TOX: variants seen among roughly 807,000 people sequenced by gnomAD.
The protein encoded by TOX is thymocyte selection associated high mobility group box, also known as thymocyte selection-associated high mobility group box protein TOX.
TOX carries 11 observed loss-of-function variants against 53.7 expected under a neutral mutation model. That is an observed-to-expected ratio of 0.20 (90% CI 0.13 to 0.34). The LOEUF (loss-of-function observed/expected upper bound fraction) is 0.34. TOX is among the 10% of genes least tolerant of loss of function. The pLI is 1.00. For missense variants in TOX, 570 were observed against 664.6 expected (o/e 0.86, Z 1.56); for synonymous variants, 225 against 245.3 (o/e 0.92, Z 0.77).
chr8:59,040,578 C>T (rs1271547368), intron 1 of TOX, among the ~76,000 whole-genome samples: 1 of 152,186 alleles, frequency 6.6e-6, no homozygotes, highest in Non-Finnish European at 1.5e-5. Flanking sequence ...GTATAACTGT[C>T]AACAAGACCA....
At chr8:58,926,376 T>G (rs1356466892) in intron 3 of TOX, among the ~76,000 whole-genome samples, 2 of 152,178 alleles carry the variant, frequency 1.3e-5, no homozygotes, top group African/African-American at 4.8e-5. Flanking sequence ...CCTTGGGACT[T>G]GGCCTATCAA....
chr8:58,991,833 G>C (rs548369539), intron 1 of TOX: 1 of 152,488 alleles, frequency 6.6e-6, no homozygotes, highest in East Asian at 1.9e-4. Context: ...TGGAGACAGC[G>C]TATCTTGGGG....
rs181651599 is a variant in TOX at position 58,882,630 on chromosome 8, T to C, written c.412-30825A>G. ...TCTTTAAGAACATAGCCAATGTCAC[T>C]ATAATTTTGAAAAAATGTTAAAAAG... On this transcript the variant is annotated intron_variant, in intron 3 of 8. Coordinates refer to ENST00000361421, the MANE Select transcript of TOX (RefSeq NM_014729.3). Among the ~76,000 whole-genome samples the C allele has an allele frequency of 3.9e-5, 6 of 152,316 alleles. No individual in the cohort carries two copies. The East Asian group carries it at 1.2e-3, about 29-fold the overall frequency.
chr8:59,097,067 G>A (rs894268416), intron 1 of TOX, among the ~76,000 whole-genome samples: 4 of 152,192 alleles, frequency 2.6e-5, no homozygotes, highest in Admixed American at 2.0e-4. Context: ...ACTCATTGGT[G>A]ACTGGAGGTA....
chr8:58,873,254 C>G (rs563223663), intron 3 of TOX, among the ~76,000 whole-genome samples: 1 of 152,096 alleles, frequency 6.6e-6, no homozygotes, highest in Admixed American at 6.6e-5. Flanking sequence ...TAAAGATATG[C>G]TGCATAAAAA....
intron 4 of TOX, among the ~76,000 whole-genome samples, chr8:58,842,153 C>T (rs1810655162): frequency 2.0e-5 from 3 of 152,072 alleles, no homozygotes; most frequent in African/African-American, 7.2e-5. Flanking sequence ...TGAAATATTA[C>T]TTCTGGGTGT....
intron 4 of TOX, among the ~76,000 whole-genome samples, chr8:58,845,945 T>G (rs1383360169): frequency 1.3e-5 from 2 of 152,132 alleles, no homozygotes; most frequent in Non-Finnish European, 2.9e-5. Context: ...CTTATTCTTT[T>G]GGATTGAGGG....
intron 1 of TOX, among the ~76,000 whole-genome samples, chr8:59,041,073 C>CGTGTGTGTGTGTGTGTGTGT (rs61657323): frequency 1.4e-5 from 2 of 143,820 alleles, no homozygotes; most frequent in Non-Finnish European, 3.0e-5. Flanking sequence ...AAAGGGACTC[C>CGTGTGTGTGTGTGTGTGTGT]GTGTGTGTGT....
At chr8:58,970,421 C>T (rs1436819579) in intron 1 of TOX, among the ~76,000 whole-genome samples, 1 of 152,154 alleles carries the variant, frequency 6.6e-6, no homozygotes, top group Non-Finnish European at 1.5e-5. Flanking sequence ...ATTAGATGAT[C>T]ATAGAATTTA....
chr8:59,036,276 A>G (rs1814457221), intron 1 of TOX, among the ~76,000 whole-genome samples: 1 of 152,194 alleles, frequency 6.6e-6, no homozygotes, highest in Non-Finnish European at 1.5e-5. Flanking sequence ...TGCAGTATCT[A>G]AAGGCATGAA....
At chr8:59,010,857 A>G (rs1813891966) in intron 1 of TOX, among the ~76,000 whole-genome samples, 1 of 152,212 alleles carries the variant, frequency 6.6e-6, no homozygotes, top group African/African-American at 2.4e-5. Flanking sequence ...ACAAAGCATC[A>G]TTATGTATGT....
chr8:58,948,809 T>C (rs1278002871), intron 2 of TOX, among the ~76,000 whole-genome samples: 2 of 152,148 alleles, frequency 1.3e-5, no homozygotes, highest in East Asian at 1.9e-4. Context: ...AAATAACCCA[T>C]GTTAACTAGC....
intron 3 of TOX, 39 bp downstream of exon 3, chr8:58,939,263 C>T: frequency 2.5e-6 from 4 of 1,608,578 alleles, no homozygotes; most frequent in Admixed American, 1.7e-5. Flanking sequence ...CTTATGGTAT[C>T]CCTCAGCCCC....
chr8:58,888,315 C>G (rs1286669953), intron 3 of TOX, among the ~76,000 whole-genome samples: 1 of 151,804 alleles, frequency 6.6e-6, no homozygotes, highest in Non-Finnish European at 1.5e-5. Flanking sequence ...ATGAAATACA[C>G]CTAGTAATAA....
intron 6 of TOX, among the ~76,000 whole-genome samples, chr8:58,816,314 T>C (rs1810177502): frequency 6.6e-6 from 1 of 152,190 alleles, no homozygotes; most frequent in African/African-American, 2.4e-5. Context: ...TATCCTGAGT[T>C]TTAAAATGAA....
chr8:58,920,378 TA>T (rs1812045336), intron 3 of TOX, among the ~76,000 whole-genome samples: 1 of 41,936 alleles, frequency 2.4e-5, no homozygotes, highest in Non-Finnish European at 4.3e-5. Context: ...TATGCAGCCA[TA>T]AAAAATGATG....
At chr8:58,876,190 T>G (rs987275330) in intron 3 of TOX, among the ~76,000 whole-genome samples, 1 of 152,074 alleles carries the variant, frequency 6.6e-6, no homozygotes, top group African/African-American at 2.4e-5. Flanking sequence ...TGACAGATGA[T>G]GTATTAAGGG....
At chr8:59,033,000 C>T (rs1379915245) in intron 1 of TOX, among the ~76,000 whole-genome samples, 1 of 149,590 alleles carries the variant, frequency 6.7e-6, no homozygotes, top group Non-Finnish European at 1.5e-5. Context: ...TGCCATTGCA[C>T]TCCATCCTGG....
chr8:58,926,991 G>T (rs1002136345), intron 3 of TOX, among the ~76,000 whole-genome samples: 1 of 151,594 alleles, frequency 6.6e-6, no homozygotes, highest in Non-Finnish European at 1.5e-5. Context: ...TGCTAATCCT[G>T]TATCCAGCTT....
Sources: gnomAD v4.1 joint callset for allele counts (sites outside exome capture counted in the v4.1 genomes callset) on GRCh38, gnomAD v4.1.1 for gene constraint, MANE v1.5 for transcripts, NCBI Gene and HGNC (gene_info 2026-07-23, HGNC 2026-07-21) for gene names.